Variants in ATG5 observed in about 807,000 individuals in gnomAD.
ATG5 encodes autophagy related 5, also known as autophagy protein 5.
Under a neutral mutation model 36.5 loss-of-function variants are expected in ATG5, and 14 were observed. The ratio of observed to expected loss-of-function variants is 0.38; its 90% CI spans 0.25 to 0.60. The LOEUF is 0.60. ATG5 is among the 20% of genes least tolerant of loss of function. The pLI, the probability that ATG5 is intolerant of heterozygous loss-of-function variation, is 0.60. For synonymous variants in ATG5, 95 were observed against 101.5 expected (o/e 0.94, Z 0.38); for missense variants, 195 against 326.7 (o/e 0.60, Z 3.11).
In ATG5 at chr6:106,184,953, AT is replaced by A. The variant is rs556187580; in HGVS notation, c.*1586del. The A allele has an allele frequency of 3.1e-4, 48 of 152,428 alleles. No individual in the cohort carries two copies. Among genetic ancestry groups the A allele is most frequent in the African/African-American group, 1.2e-3 (48 of 41,572 alleles). The allele number at this position is 152,428 out of a possible 1,614,324, so 9.4% of individuals were successfully genotyped here. ...CTTGTGCAAAAATACAAGTCAGTGG[AT>A]TTTTTATCCTTACATAACTCAAATA... is the stretch of plus-strand genomic sequence containing the variant. On this transcript the variant is annotated 3_prime_UTR_variant, in exon 8 of 8. Coordinates refer to ENST00000369076, the MANE Select transcript of ATG5 (RefSeq NM_004849.4).
rs779814301 is a variant in ATG5 at position 106,308,330 on chromosome 6, C to T, written c.236+34G>A. On this transcript the variant is annotated intron_variant, in intron 3 of 7. Transcript: ENST00000369076. ...TATACCTTTTTAAAGCTAGTATATA[C>T]TTAATGCTTAATAATGCAGAAAAAT... 4.6e-6 allele frequency: 7 copies of T among 1,524,272 alleles called. No homozygotes were observed. The South Asian group carries it at 9.3e-5, about 20-fold the overall frequency. 94.4% of individuals were successfully genotyped at this position (1,524,272 alleles called of 1,614,324 possible).
At chr6:106,202,715 G>A (rs549936654) in intron 6 of ATG5, among the ~76,000 whole-genome samples, 4 of 152,202 alleles carry the variant, frequency 2.6e-5, no homozygotes, top group Non-Finnish European at 5.9e-5. Context: ...CGGCTGGAGT[G>A]CAGTGGCGCG....
chr6:106,219,564 T>A (rs947603851), intron 6 of ATG5, among the ~76,000 whole-genome samples: 20 of 152,176 alleles, frequency 1.3e-4, no homozygotes, highest in African/African-American at 4.8e-4. Context: ...TATGAAATAT[T>A]ATAAGTAATC....
chr6:106,231,791 T>C (rs1240835703), intron 6 of ATG5, among the ~76,000 whole-genome samples: 1 of 152,074 alleles, frequency 6.6e-6, no homozygotes. Flanking sequence ...CAACCTCAGT[T>C]TTTTATAATA....
intron 1 of ATG5, among the ~76,000 whole-genome samples, chr6:106,317,857 G>A (rs1467713398): frequency 1.3e-5 from 2 of 152,012 alleles, no homozygotes; most frequent in Non-Finnish European, 2.9e-5. Flanking sequence ...ATTCACTAGT[G>A]GCAAAAAATA....
At chr6:106,239,613 A>G (rs1353489112) in intron 6 of ATG5, among the ~76,000 whole-genome samples, 1 of 152,366 alleles carries the variant, frequency 6.6e-6, no homozygotes, top group Non-Finnish European at 1.5e-5. Context: ...GAAAATACAT[A>G]TACTGATGTA....
intron 7 of ATG5, among the ~76,000 whole-genome samples, chr6:106,196,109 G>C (rs1419037575): frequency 6.6e-6 from 1 of 152,042 alleles, no homozygotes; most frequent in Non-Finnish European, 1.5e-5. Context: ...GAGTGGTCAG[G>C]ATTATATATA....
At chr6:106,239,108 A>G (rs922123857) in intron 6 of ATG5, among the ~76,000 whole-genome samples, 2 of 152,308 alleles carry the variant, frequency 1.3e-5, no homozygotes, top group East Asian at 3.9e-4. Flanking sequence ...TAGAACCATC[A>G]TTATTCAGCA....
intron 6 of ATG5, among the ~76,000 whole-genome samples, chr6:106,205,322 T>C (rs1202375405): frequency 6.6e-6 from 1 of 152,170 alleles, no homozygotes; most frequent in Non-Finnish European, 1.5e-5. Context: ...AACAACAAAG[T>C]CAAAGGAATC....
Position 106,191,036 on chromosome 6 carries a change from G to A in ATG5, c.692-4360C>T, listed in dbSNP as rs1052039754. 1.2e-4 allele frequency among the ~76,000 whole-genome samples: 18 copies of A among 152,236 alleles called. No individual in the cohort carries two copies. In the East Asian group the frequency reaches 3.5e-3, roughly 29 times the overall value. On this transcript the variant is annotated intron_variant, in intron 7 of 7. Transcript: ENST00000369076. ...CTCTGAGCAGGTCTCACGTCACTTTGAAGCTGTTTCTTTATATATAAAATG... is the reference window on the plus strand; with the variant it reads ...CTCTGAGCAGGTCTCACGTCACTTTAAAGCTGTTTCTTTATATATAAAATG...
At chr6:106,261,296 C>T (rs1582624261) in intron 5 of ATG5, among the ~76,000 whole-genome samples, 1 of 152,160 alleles carries the variant, frequency 6.6e-6, no homozygotes, top group Non-Finnish European at 1.5e-5. Flanking sequence ...CACCATCATC[C>T]AGAAACAGTT....
At chr6:106,238,627 A>C (rs1777988961) in intron 6 of ATG5, among the ~76,000 whole-genome samples, 1 of 152,204 alleles carries the variant, frequency 6.6e-6, no homozygotes, top group Non-Finnish European at 1.5e-5. Context: ...AAAAAGCTGA[A>C]TAAAAGGCTG....
At chr6:106,321,544 G>C (rs1458541371) in intron 1 of ATG5, among the ~76,000 whole-genome samples, 2 of 152,042 alleles carry the variant, frequency 1.3e-5, no homozygotes, top group African/African-American at 4.8e-5. Context: ...ATTTTTAGTA[G>C]AGACGGGATT....
At chr6:106,201,275 A>ATGTGTGTGTGTGTG (rs138478446) in intron 7 of ATG5, among the ~76,000 whole-genome samples, 121 of 149,314 alleles carry the variant, frequency 8.1e-4, no homozygotes, top group African/African-American at 2.5e-3. Context: ...TCAAGTGTAT[A>ATGTGTGTGTGTGTG]TGTGTGTGTG....
At chr6:106,265,855 A>G (rs767373122) in intron 5 of ATG5, among the ~76,000 whole-genome samples, 1 of 152,194 alleles carries the variant, frequency 6.6e-6, no homozygotes, top group Non-Finnish European at 1.5e-5. Flanking sequence ...CAGTGCTAAG[A>G]GGGAAATTTA....
intron 5 of ATG5, among the ~76,000 whole-genome samples, chr6:106,274,202 C>T (rs551374594): frequency 1.4e-4 from 22 of 152,212 alleles, no homozygotes; most frequent in Non-Finnish European, 2.8e-4. Context: ...AGAAAAACAA[C>T]TTGATATTAA....
intron 5 of ATG5, among the ~76,000 whole-genome samples, chr6:106,257,157 T>C (rs999669567): frequency 6.6e-6 from 1 of 152,184 alleles, no homozygotes; most frequent in African/African-American, 2.4e-5. Flanking sequence ...CTTGTCCCAC[T>C]GCAAAGTCTT....
chr6:106,222,513 T>C (rs1403650683), intron 6 of ATG5, among the ~76,000 whole-genome samples: 1 of 152,218 alleles, frequency 6.6e-6, no homozygotes, highest in African/African-American at 2.4e-5. Flanking sequence ...GCATGCACTT[T>C]CTTTATTAGA....
intron 2 of ATG5, among the ~76,000 whole-genome samples, chr6:106,311,772 T>C (rs1770653275): frequency 6.6e-6 from 1 of 150,594 alleles, no homozygotes; most frequent in Non-Finnish European, 1.5e-5. Flanking sequence ...GACTAGAAAA[T>C]GGAAAGAAGG....
Sources: gnomAD v4.1 joint callset for allele counts (sites outside exome capture counted in the v4.1 genomes callset) on GRCh38, gnomAD v4.1.1 for gene constraint, MANE v1.5 for transcripts, NCBI Gene and HGNC (gene_info 2026-07-23, HGNC 2026-07-21) for gene names.